Variants in ATP6V1H observed in about 807,000 individuals in gnomAD.
The protein encoded by ATP6V1H is ATPase H+ transporting V1 subunit H, also known as V-type proton ATPase subunit H.
A neutral mutation model predicts 71.7 loss-of-function variants in ATP6V1H; 39 were observed. The ratio of observed to expected loss-of-function variants is 0.54; its 90% CI spans 0.42 to 0.71. The LOEUF is 0.71. Among genes scored for constraint, ATP6V1H ranks in the 30% least tolerant of loss-of-function variants. The pLI is 0.00. For missense variants in ATP6V1H, 509 were observed against 594.9 expected (o/e 0.86, Z 1.50); for synonymous variants, 192 against 199.3 (o/e 0.96, Z 0.31).
At chr8:53,746,065 T>TA (rs1193211225) in intron 12 of ATP6V1H, among the ~76,000 whole-genome samples, 1 of 152,212 alleles carries the variant, frequency 6.6e-6, no homozygotes, top group Non-Finnish European at 1.5e-5. Flanking sequence ...ACACACCACT[T>TA]ACAGTAATAT....
intron 4 of ATP6V1H, among the ~76,000 whole-genome samples, chr8:53,823,076 C>T (rs1041294079): frequency 1.3e-5 from 2 of 151,124 alleles, no homozygotes; most frequent in African/African-American, 2.4e-5. Context: ...AAAACCAGAC[C>T]GAGAAAAAAG....
rs114251798 is a variant in ATP6V1H, at chr8:53,736,206, A to G, written c.1391+7371T>C. The stretch of plus-strand genomic sequence containing the variant: ...ATATAAGTGTCCCCACTGTACACAT[A>G]CTACTTAGTCAAAGAACCCAGACCC... On this transcript the variant is annotated intron_variant, in intron 13 of 13. Coordinates refer to ENST00000359530, the MANE Select transcript of ATP6V1H (RefSeq NM_015941.4). Among the ~76,000 whole-genome samples, 391 of 152,254 alleles carry G rather than the reference A, an allele frequency of 2.6e-3. 2 individuals carry two copies. The highest frequency in any genetic ancestry group is 0.014 in the Middle Eastern group (4 of 294).
chr8:53,760,077 A>C (rs748371194), intron 11 of ATP6V1H, among the ~76,000 whole-genome samples: 4 of 152,232 alleles, frequency 2.6e-5, no homozygotes, highest in Non-Finnish European at 4.4e-5. Context: ...GGGGTTGTTA[A>C]GCTGCCACTC....
intron 13 of ATP6V1H, among the ~76,000 whole-genome samples, chr8:53,721,796 A>T (rs1404868074): frequency 6.6e-6 from 1 of 152,202 alleles, no homozygotes; most frequent in Non-Finnish European, 1.5e-5. Flanking sequence ...GCAAATCCTC[A>T]ATTTATTTTC....
At position 53,810,721 on chromosome 8, in the gene ATP6V1H, T is replaced by C. The variant is rs185631047; in HGVS notation, c.579+443A>G. On this transcript the variant is annotated intron_variant, in intron 7 of 13. Transcript: ENST00000359530. ...TGCCACTGCACTCCAGCCTGGGGGA[T>C]AGAGCTAGACTGTGTCTCAAAAAAT... is the stretch of plus-strand genomic sequence containing the variant. Among the ~76,000 whole-genome samples, 345 of 152,256 alleles carry C rather than the reference T, an allele frequency of 2.3e-3. 2 individuals are homozygous for C. Among genetic ancestry groups the C allele is most frequent in the African/African-American group, 7.9e-3 (329 of 41,562 alleles).
At chr8:53,837,509 C>A (rs566891070) in intron 2 of ATP6V1H, among the ~76,000 whole-genome samples, 25 of 147,392 alleles carry the variant, frequency 1.7e-4, no homozygotes, top group South Asian at 6.4e-4. Flanking sequence ...AAAAAAAAAA[C>A]CAGTCCGGGT....
intron 4 of ATP6V1H, among the ~76,000 whole-genome samples, chr8:53,817,821 C>T (rs1053769783): frequency 6.6e-6 from 1 of 152,076 alleles, no homozygotes; most frequent in African/African-American, 2.4e-5. Flanking sequence ...CCCAATGTAA[C>T]AGGTCTACAC....
intron 13 of ATP6V1H, among the ~76,000 whole-genome samples, chr8:53,732,947 A>C (rs561613580): frequency 4.6e-5 from 7 of 152,306 alleles, no homozygotes; most frequent in Admixed American, 3.3e-4. Flanking sequence ...AGGCAGTCTC[A>C]AATCTGGCCG....
At chr8:53,778,957 A>C (rs1360968129) in intron 9 of ATP6V1H, among the ~76,000 whole-genome samples, 1 of 152,234 alleles carries the variant, frequency 6.6e-6, no homozygotes, top group Non-Finnish European at 1.5e-5. Flanking sequence ...ACCAGTGATA[A>C]AGAAGGATAT....
chr8:53,828,573 AGAGAGACT>A (rs1452066740), intron 4 of ATP6V1H, among the ~76,000 whole-genome samples: 1 of 152,190 alleles, frequency 6.6e-6, no homozygotes, highest in African/African-American at 2.4e-5. Context: ...AAAAGTGCTC[AGAGAGACT>A]GAGGTCATTC....
At chr8:53,761,348 A>AG (rs1250796567) in intron 11 of ATP6V1H, among the ~76,000 whole-genome samples, 3 of 152,080 alleles carry the variant, frequency 2.0e-5, no homozygotes, top group African/African-American at 4.8e-5. Flanking sequence ...AAAAAAAAAA[A>AG]AAGAAAAATA....
At chr8:53,739,130 T>TTAATTTAGAAATTAGAATTC (rs532413988) in intron 13 of ATP6V1H, among the ~76,000 whole-genome samples, 1 of 152,148 alleles carries the variant, frequency 6.6e-6, no homozygotes, top group African/African-American at 2.4e-5. Context: ...AATCTAGAAA[T>TTAATTTAGAAATTAGAATTC]TAATTTAGAA....
chr8:53,829,982 C>T (rs1229363224), intron 3 of ATP6V1H, among the ~76,000 whole-genome samples: 1 of 152,144 alleles, frequency 6.6e-6, no homozygotes, highest in Non-Finnish European at 1.5e-5. Flanking sequence ...ACAACCTCTC[C>T]ATAATTCAAT....
At chr8:53,774,403 G>A (rs572393450) in intron 9 of ATP6V1H, among the ~76,000 whole-genome samples, 3 of 152,272 alleles carry the variant, frequency 2.0e-5, no homozygotes, top group Non-Finnish European at 4.4e-5. Flanking sequence ...GGACAGTTCA[G>A]TTTGAACTGT....
intron 8 of ATP6V1H, among the ~76,000 whole-genome samples, chr8:53,798,610 A>AACACAC (rs59831761): frequency 0.081 from 12,033 of 148,478 alleles, 704 homozygotes; most frequent in East Asian, 0.32. Flanking sequence ...CAATGTGAGA[A>AACACAC]ACACACACAC....
At chr8:53,819,576 AT>A (rs1585823743) in intron 4 of ATP6V1H, among the ~76,000 whole-genome samples, 8 of 129,938 alleles carry the variant, frequency 6.2e-5, no homozygotes, top group East Asian at 2.3e-4. Flanking sequence ...ATATATATAT[AT>A]ATATATATAA....
Position 53,826,619 on chromosome 8 carries a change from CCTGT to C in ATP6V1H, c.306+2821_306+2824del, listed in dbSNP as rs556370775. Among the ~76,000 whole-genome samples the C allele has an allele frequency of 7.1e-3, 1,074 of 151,936 alleles. 8 individuals carry two copies. Among genetic ancestry groups the C allele is most frequent in the African/African-American group, 0.014 (575 of 41,438 alleles). ...AAATAAAAAAATATACATGTGTCTGCCTGTCTATGTTCACAGAAAAAAAAAATTA... is the reference window on the plus strand; with the variant it reads ...AAATAAAAAAATATACATGTGTCTGCCTATGTTCACAGAAAAAAAAAATTA... On this transcript the variant is annotated intron_variant, in intron 4 of 13. Coordinates refer to ENST00000359530, the MANE Select transcript of ATP6V1H (RefSeq NM_015941.4).
intron 12 of ATP6V1H, among the ~76,000 whole-genome samples, chr8:53,745,805 T>C (rs1807583345): frequency 6.6e-6 from 1 of 152,140 alleles, no homozygotes; most frequent in Admixed American, 6.5e-5. Context: ...CAACATGGGA[T>C]GGCAGAACGC....
Position 53,720,831 on chromosome 8 carries a change from C to A in ATP6V1H, c.1392-4807G>T, listed in dbSNP as rs79296997. On this transcript the variant is annotated intron_variant, in intron 13 of 13. Transcript: ENST00000359530. ...TGTCCACAAAGCCAAGTAGAAAACC[C>A]ACTGTTAGCAGCATTTTTGTACTGT... Among the ~76,000 whole-genome samples, 554 of 152,246 alleles carry A rather than the reference C, an allele frequency of 3.6e-3. 4 individuals carry two copies. The highest frequency in any genetic ancestry group is 0.013 in the African/African-American group (534 of 41,534).
Sources: gnomAD v4.1 joint callset for allele counts (sites outside exome capture counted in the v4.1 genomes callset) on GRCh38, gnomAD v4.1.1 for gene constraint, MANE v1.5 for transcripts, NCBI Gene and HGNC (gene_info 2026-07-23, HGNC 2026-07-21) for gene names.